The following CDH12 variants were observed in gnomAD, a reference collection of about 807,000 sequenced individuals.
The protein encoded by CDH12 is cadherin 12.
In CDH12, 41 loss-of-function variants were observed where a neutral mutation model predicts 74.1. The observed-to-expected ratio is 0.55, with a 90% CI of 0.43 to 0.72. CDH12 has a LOEUF of 0.72. Among genes scored for constraint, CDH12 ranks in the 30% least tolerant of loss-of-function variants. CDH12 has a pLI of 0.00. For synonymous variants in CDH12, 399 were observed against 355.0 expected, an observed-to-expected ratio of 1.12 and a Z score of -1.39; for missense variants, 945 against 977.2, an observed-to-expected ratio of 0.97 and a Z score of 0.44.
intron 4 of CDH12, among the ~76,000 whole-genome samples, chr5:22,096,001 C>A (rs557652489): frequency 6.6e-6 from 1 of 151,960 alleles, no homozygotes; most frequent in African/African-American, 2.4e-5. Flanking sequence ...ATGCCCCAAC[C>A]CCTTTCCTGC....
chr5:21,951,153 C>T (rs1471886548), intron 6 of CDH12, among the ~76,000 whole-genome samples: 1 of 152,054 alleles, frequency 6.6e-6, no homozygotes. Context: ...CATTCCATTG[C>T]CATTCAAAGA....
intron 3 of CDH12, among the ~76,000 whole-genome samples, chr5:22,325,445 G>A (rs776899746): frequency 9.2e-5 from 14 of 152,068 alleles, no homozygotes; most frequent in Non-Finnish European, 1.3e-4. Flanking sequence ...GTTGTATTCC[G>A]AAAGTAAATA....
chr5:22,105,665 T>C (rs1744395729), intron 4 of CDH12, among the ~76,000 whole-genome samples: 1 of 151,414 alleles, frequency 6.6e-6, no homozygotes. Context: ...GCCACTGCAC[T>C]CCAGCCTGGG....
intron 4 of CDH12, among the ~76,000 whole-genome samples, chr5:22,188,742 T>C (rs1179251434): frequency 3.9e-5 from 6 of 152,196 alleles, no homozygotes; most frequent in Admixed American, 3.9e-4. Flanking sequence ...ATTAAAACTC[T>C]CTCAGAAGCA....
intron 3 of CDH12, among the ~76,000 whole-genome samples, chr5:22,349,112 G>A (rs1740247497): frequency 6.6e-6 from 1 of 152,162 alleles, no homozygotes; most frequent in African/African-American, 2.4e-5. Flanking sequence ...CCATGTGCAG[G>A]CACAGAGAAG....
intron 1 of CDH12, among the ~76,000 whole-genome samples, chr5:22,820,457 T>G (rs1749637026): frequency 6.6e-6 from 1 of 151,930 alleles, no homozygotes; most frequent in Admixed American, 6.6e-5. Flanking sequence ...GCTGGTTTTT[T>G]GAAAAGATCA....
chr5:22,641,099 A>G (rs1001063849), intron 1 of CDH12, among the ~76,000 whole-genome samples: 2 of 152,170 alleles, frequency 1.3e-5, no homozygotes, highest in African/African-American at 4.8e-5. Context: ...TAGACACATG[A>G]GAGGATATTT....
intron 3 of CDH12, among the ~76,000 whole-genome samples, chr5:22,361,281 T>C (rs1405193491): frequency 2.7e-4 from 41 of 151,666 alleles, no homozygotes; most frequent in Admixed American, 6.6e-5. Flanking sequence ...TCTTATACAC[T>C]AATAACAGAC....
intron 1 of CDH12, among the ~76,000 whole-genome samples, chr5:22,845,294 C>T (rs141248519): frequency 6.0e-4 from 92 of 152,072 alleles, no homozygotes; most frequent in Middle Eastern, 3.4e-3. Context: ...CATTTATAGG[C>T]CAAGGTAAAT....
At chr5:22,847,274 T>C (rs1342353999) in intron 1 of CDH12, among the ~76,000 whole-genome samples, 2 of 152,226 alleles carry the variant, frequency 1.3e-5, no homozygotes, top group Non-Finnish European at 2.9e-5. Flanking sequence ...TTTCAGTCAC[T>C]ATCATTTCCT....
intron 5 of CDH12, among the ~76,000 whole-genome samples, chr5:22,036,323 G>A (rs1183237211): frequency 2.0e-5 from 3 of 152,112 alleles, no homozygotes; most frequent in Non-Finnish European, 4.4e-5. Flanking sequence ...TTCTCATCTA[G>A]GGACTATAGA....
intron 4 of CDH12, among the ~76,000 whole-genome samples, chr5:22,144,687 T>C (rs1747041391): frequency 6.6e-6 from 1 of 152,114 alleles, no homozygotes; most frequent in Non-Finnish European, 1.5e-5. Context: ...AAGCATTTCT[T>C]ACCATCTTGT....
chr5:22,035,504 C>T (rs1026861879), intron 5 of CDH12, among the ~76,000 whole-genome samples: 8 of 151,882 alleles, frequency 5.3e-5, no homozygotes, highest in African/African-American at 1.9e-4. Flanking sequence ...ACATATATTT[C>T]TTGTTTTATT....
At chr5:22,509,245 A>G (rs964156005) in intron 1 of CDH12, among the ~76,000 whole-genome samples, 1 of 152,190 alleles carries the variant, frequency 6.6e-6, no homozygotes, top group Non-Finnish European at 1.5e-5. Flanking sequence ...CCTTCAGACT[A>G]GGACTACTGA....
At chr5:22,304,240 A>T (rs1451558311) in intron 3 of CDH12, among the ~76,000 whole-genome samples, 1 of 152,160 alleles carries the variant, frequency 6.6e-6, no homozygotes, top group East Asian at 1.9e-4. Context: ...GGCATAAACC[A>T]AGACGCATGG....
At position 22,712,089 on chromosome 5, in the gene CDH12, C is replaced by G. The variant is rs79447944; in HGVS notation, c.-523+140969G>C. Among the ~76,000 whole-genome samples, 662 of 152,060 alleles carry G rather than the reference C, an allele frequency of 4.4e-3. 3 individuals are homozygous for G. The highest frequency in any genetic ancestry group is 7.7e-3 in the Non-Finnish European group (525 of 67,912). ...ATCACCTAACACAGTGTAGCACACA[C>G]AGTAAATGCTCAGTAAGTGGTGTTA... On this transcript the variant is annotated intron_variant, in intron 1 of 14. Coordinates refer to ENST00000382254, the MANE Select transcript of CDH12 (RefSeq NM_004061.5).
chr5:21,985,824 A>T (rs1395343546), intron 5 of CDH12, among the ~76,000 whole-genome samples: 3 of 152,116 alleles, frequency 2.0e-5, no homozygotes, highest in Admixed American at 6.6e-5. Flanking sequence ...ATTAGATTAT[A>T]CTTAAGGTAT....
intron 1 of CDH12, among the ~76,000 whole-genome samples, chr5:22,638,347 G>A (rs1738947627): frequency 6.6e-6 from 1 of 152,042 alleles, no homozygotes; most frequent in African/African-American, 2.4e-5. Flanking sequence ...AGAGCCTCTG[G>A]CAAACCACTG....
chr5:21,755,619 T>G lies in CDH12; in HGVS notation c.1857A>C (p.Ala619=), dbSNP rs747167728. The change falls in exon 14 of 15, where the codon GCA becomes GCC. Residue 619 remains alanine (A), a synonymous_variant. Coordinates refer to ENST00000382254, the MANE Select transcript of CDH12 (RefSeq NM_004061.5). ...AGAGTATAACAATGCATAGTAGAAT[T>G]GCAATCAACGCCCCAGTGCTAAGTC... ...PVGLSTGALI[A]ILLCIVILLA... The G allele has an allele frequency of 3.1e-6, 5 of 1,613,994 alleles. No individual in the cohort carries two copies. Among genetic ancestry groups the G allele is most frequent in the Non-Finnish European group, 4.2e-6 (5 of 1,179,916 alleles).
Sources: allele counts gnomAD v4.1 joint callset (sites outside exome capture counted in the v4.1 genomes callset), GRCh38; gene constraint gnomAD v4.1.1; transcripts MANE v1.5; gene names NCBI Gene and HGNC (gene_info 2026-07-23, HGNC 2026-07-21).